The following B4GALT7 variants were observed in gnomAD, a reference collection of about 807,000 sequenced individuals.
The protein encoded by B4GALT7 is UDP-Gal:beta-GlcNAc beta-1,4-galactosyltransferase 7.
In B4GALT7, 30 loss-of-function variants were observed where a neutral mutation model predicts 33.0. That is an observed-to-expected ratio of 0.91 (90% CI 0.68 to 1.23). The LOEUF (loss-of-function observed/expected upper bound fraction) is 1.23. B4GALT7 is among the 50% of genes most tolerant of loss of function. B4GALT7 has a pLI of 0.00. For synonymous variants in B4GALT7, 213 were observed against 187.2 expected (o/e 1.14, Z -1.13); for missense variants, 507 against 450.8 (o/e 1.12, Z -1.13).
intron 3 of B4GALT7, 137 bp downstream of exon 3, chr5:177,607,664 C>T (rs1361086808): frequency 1.2e-6 from 1 of 853,550 alleles, no homozygotes; most frequent in Non-Finnish European, 1.8e-6. Flanking sequence ...TTGGGAGCAG[C>T]CAGAGTGCGA....
chr5:177,600,208 A>G lies in B4GALT7; in HGVS notation c.-3A>G, dbSNP rs1767806295. 1 of 1,381,636 alleles carries G rather than the reference A, an allele frequency of 7.2e-7. No homozygotes were observed. The highest frequency in any genetic ancestry group is 9.4e-7 in the Non-Finnish European group (1 of 1,061,068). 85.6% of individuals were successfully genotyped at this position (1,381,636 alleles called of 1,614,324 possible). ...GCCCCATGCGCCGCCGCCTCTCCGC[A>G]CGATGTTCCCCTCGCGGAGGAAAGC... On this transcript the variant is annotated 5_prime_UTR_variant, in exon 1 of 6. Transcript: ENST00000029410. This position sits in a 1 kb window ranked among gnomAD's most constrained non-coding sequence, Gnocchi z 4.4.
chr5:177,603,374 G>C, intron 1 of B4GALT7: 1 of 985,250 alleles, frequency 1.0e-6, no homozygotes. Flanking sequence ...GGTGAATTCT[G>C]TTTCTTTGTA....
rs1022672552 is a variant in B4GALT7, at chr5:177,603,318, T to C, written c.51-861T>C. ...CTCCCTTCATGGATTCCTCAGCTCCTGTCTCAGCATACTCAGGAACTTCCA... is the reference window on the plus strand; with the variant it reads ...CTCCCTTCATGGATTCCTCAGCTCCCGTCTCAGCATACTCAGGAACTTCCA... On this transcript the variant is annotated intron_variant, in intron 1 of 5. Coordinates refer to ENST00000029410, the MANE Select transcript of B4GALT7 (RefSeq NM_007255.3). 4.1e-6 allele frequency: 4 copies of C among 985,344 alleles called. No individual in the cohort carries two copies. In the African/African-American group the frequency reaches 5.2e-5, roughly 13 times the overall value. The allele number at this position is 985,344 out of a possible 1,614,324, so 61.0% of individuals were successfully genotyped here.
At chr5:177,603,357 G>A (rs927741795) in intron 1 of B4GALT7, 58 of 985,284 alleles carry the variant, frequency 5.9e-5, no homozygotes, top group African/African-American at 7.0e-5. Context: ...GAGCGGCAAA[G>A]GAATCTGGTG....
In B4GALT7 at chr5:177,605,608, C is replaced by T. The variant is rs563442549; in HGVS notation, c.413+1067C>T. On this transcript the variant is annotated intron_variant, in intron 2 of 5. Transcript: ENST00000029410. ...ACTCAAGGCTGTTCCAGCTTCTGTC[C>T]GGGCTGACTCCCACCATCCCCATCC... Among the ~76,000 whole-genome samples, 778 of 152,246 alleles carry T rather than the reference C, an allele frequency of 5.1e-3. 4 individuals carry two copies. Among genetic ancestry groups the T allele is most frequent in the Non-Finnish European group, 7.8e-3 (530 of 68,006 alleles).
intron 1 of B4GALT7, chr5:177,603,415 C>T (rs1267978247): frequency 1.0e-6 from 1 of 952,930 alleles, no homozygotes. Flanking sequence ...CTCCTGGCAT[C>T]ACCCCAGTGT....
chr5:177,607,561 G>T, intron 3 of B4GALT7, 34 bp downstream of exon 3: 1 of 1,585,126 alleles, frequency 6.3e-7, no homozygotes, highest in Non-Finnish European at 8.6e-7. Flanking sequence ...GCTCAGAGCC[G>T]GGAGCTCCCT....
Position 177,608,502 on chromosome 5 carries a change from A to C in B4GALT7, c.640-37A>C. The C allele has an allele frequency of 3.0e-5, 43 of 1,418,194 alleles. No homozygotes were observed. Among genetic ancestry groups the C allele is most frequent in the Non-Finnish European group, 3.7e-5 (37 of 1,011,014 alleles). The allele number at this position is 1,418,194 out of a possible 1,614,324, so 87.9% of individuals were successfully genotyped here. On this transcript the variant is annotated intron_variant, in intron 3 of 5. Transcript: ENST00000029410. This position sits in a 1 kb window ranked among gnomAD's most constrained non-coding sequence, Gnocchi z 4.1. ...GAGACCAAAGGCCCCCCCCCCCGGG[A>C]AGATGGGCCGAGTGACGCTGCTTGT...
At chr5:177,605,154 C>G (rs983912493) in intron 2 of B4GALT7, 2 of 399,272 alleles carry the variant, frequency 5.0e-6, no homozygotes, top group African/African-American at 4.1e-5. Context: ...TGCCACCCTT[C>G]TTGTCTTTAC....
Position 177,608,659 on chromosome 5 carries a change from G to C in B4GALT7, c.723+37G>C, listed in dbSNP as rs191117764. ...CGGGCCCCGCCGCCACCTCAGCTGC[G>C]GTGGCTGCCCTGAGATTTTCTTCTG... On this transcript the variant is annotated intron_variant, in intron 4 of 5. Transcript: ENST00000029410. The surrounding 1 kb of genome is among the most constrained non-coding windows in gnomAD (Gnocchi z 4.1). The C allele has an allele frequency of 1.2e-5, 19 of 1,580,448 alleles. No individual in the cohort carries two copies. In the Admixed American group the frequency reaches 2.8e-4, roughly 24 times the overall value.
chr5:177,603,200 A>G (rs1561813570), intron 1 of B4GALT7: 5 of 985,164 alleles, frequency 5.1e-6, no homozygotes, highest in Non-Finnish European at 6.0e-6. Context: ...AATTTATAAG[A>G]CCTGATAGCT....
At position 177,607,327 on chromosome 5, in the gene B4GALT7, G is replaced by A. The variant is rs749287395; in HGVS notation, c.439G>A (p.Val147Met). The change falls in exon 3 of 6, where the codon GTG (valine) becomes ATG (methionine). Residue 147 changes from valine to methionine, a missense_variant. By Grantham distance (21) the Val-to-Met change is conservative. Transcript: ENST00000029410. ...FRFNRAALIN[V>M]GFLESSNSTD... ...GTTCAACCGGGCAGCGCTCATCAAC[G>A]TGGGCTTCCTGGAGAGCAGCAACAG... The A allele has an allele frequency of 6.2e-6, 10 of 1,612,590 alleles. No individual in the cohort carries two copies. The highest frequency in any genetic ancestry group is 1.7e-5 in the Admixed American group (1 of 59,860).
chr5:177,608,842 G>A lies in B4GALT7; in HGVS notation c.724-68G>A. On this transcript the variant is annotated intron_variant, in intron 4 of 5. Coordinates refer to ENST00000029410, the MANE Select transcript of B4GALT7 (RefSeq NM_007255.3). The surrounding 1 kb of genome is among the most constrained non-coding windows in gnomAD (Gnocchi z 4.1). Reference sequence around the variant, plus strand: ...GCAGGTCCCTTCCTGTGGGACCTCGGGAGCTGGTGGTGAGGGCTGGGGCTC... The same window carrying A: ...GCAGGTCCCTTCCTGTGGGACCTCGAGAGCTGGTGGTGAGGGCTGGGGCTC... 2.1e-6 allele frequency: 3 copies of A among 1,405,256 alleles called. No homozygotes were observed. The highest frequency in any genetic ancestry group is 1.4e-5 in the African/African-American group (1 of 70,690). 87.0% of individuals were successfully genotyped at this position (1,405,256 alleles called of 1,614,324 possible).
chr5:177,610,184 C>T lies in B4GALT7; in HGVS notation c.*489C>T, dbSNP rs996743851. 10 of 174,288 alleles carry T rather than the reference C, an allele frequency of 5.7e-5. No individual in the cohort carries two copies. The highest frequency in any genetic ancestry group is 9.9e-5 in the Non-Finnish European group (8 of 80,962). 10.8% of individuals were successfully genotyped at this position (174,288 alleles called of 1,614,324 possible). A position where few individuals can be genotyped will look rare whatever the true frequency, so the allele number is the denominator to read the frequency against. On this transcript the variant is annotated 3_prime_UTR_variant, in exon 6 of 6. Transcript: ENST00000029410. Reference sequence around the variant, plus strand: ...CCCACAGAGGGGGAACAGCCAGCACCGCTCTAGCTGGTTGTTGCCATGCCG... The same window carrying T: ...CCCACAGAGGGGGAACAGCCAGCACTGCTCTAGCTGGTTGTTGCCATGCCG...
chr5:177,604,643 GT>G, intron 2 of B4GALT7, 102 bp downstream of exon 2: 1 of 1,489,500 alleles, frequency 6.7e-7, no homozygotes, highest in African/African-American at 1.4e-5. Context: ...AGGGCGGGAG[GT>G]GGCAGACCCC....
chr5:177,605,225 C>T, intron 2 of B4GALT7: 1 of 353,242 alleles, frequency 2.8e-6, no homozygotes, highest in South Asian at 2.1e-5. Context: ...GGCATACTCC[C>T]TCAAGCCTCT....
In B4GALT7 at chr5:177,604,478, G is replaced by A. The variant is rs1247138814; in HGVS notation, c.350G>A (p.Arg117His). The A allele has an allele frequency of 2.5e-6, 4 of 1,613,986 alleles. No individual in the cohort carries two copies. Among genetic ancestry groups the A allele is most frequent in the Non-Finnish European group, 3.4e-6 (4 of 1,179,944 alleles). Residue 117 changes from arginine to histidine, a missense_variant, in exon 2 of 6, where the codon CGC (arginine) becomes CAC (histidine). Physicochemically the swap from Arg to His is conservative, Grantham distance 29. Transcript: ENST00000029410. ...CTGGTCTTCGTGCCCCACATGCGCC[G>A]CTTCCTGAGCAGGAAGAAGATCCGG... is the stretch of plus-strand genomic sequence containing the variant. ...ELLVFVPHMR[R>H]FLSRKKIRHH...
At chr5:177,603,972 T>G in intron 1 of B4GALT7, 3 of 663,406 alleles carry the variant, frequency 4.5e-6, no homozygotes, top group South Asian at 3.9e-5. Flanking sequence ...CGAGAGCGGG[T>G]GGCATGGGTT....
In B4GALT7 at chr5:177,608,199, T is replaced by G; in HGVS notation, c.640-340T>G. The stretch of plus-strand genomic sequence containing the variant: ...CCCCTCTCACACACACAGGAAGAGA[T>G]GAGGGCAGGGCCACCAGGAGAAAGG... On this transcript the variant is annotated intron_variant, in intron 3 of 5. Transcript: ENST00000029410. This position sits in a 1 kb window ranked among gnomAD's most constrained non-coding sequence, Gnocchi z 4.1. The G allele has an allele frequency of 2.8e-6, 1 of 360,976 alleles. No individual in the cohort carries two copies. The highest frequency in any genetic ancestry group is 6.5e-5 in the East Asian group (1 of 15,274). 22.4% of individuals were successfully genotyped at this position (360,976 alleles called of 1,614,324 possible).
Sources: gnomAD v4.1 joint callset for allele counts (sites outside exome capture counted in the v4.1 genomes callset) on GRCh38, gnomAD v4.1.1 for gene constraint, Gnocchi (gnomAD v3.1) non-coding constraint, MANE v1.5 for transcripts, NCBI Gene and HGNC (gene_info 2026-07-23, HGNC 2026-07-21) for gene names.